Variants in INHBA observed in about 807,000 individuals in gnomAD.
INHBA encodes inhibin subunit beta A.
INHBA carries 1 observed loss-of-function variant against 29.0 expected under a neutral mutation model. That is an observed-to-expected ratio of 0.03 (90% CI 0.01 to 0.16). The LOEUF (loss-of-function observed/expected upper bound fraction) is 0.16. INHBA is among the 10% of genes least tolerant of loss of function. INHBA has a pLI of 1.00. For synonymous variants in INHBA, 242 were observed against 216.8 expected (o/e 1.12, Z -1.02); for missense variants, 376 against 545.4 (o/e 0.69, Z 3.09).
chr7:41,702,662 T>A (rs1486821187), intron 1 of INHBA, among the ~76,000 whole-genome samples: 1 of 152,022 alleles, frequency 6.6e-6, no homozygotes, highest in Non-Finnish European at 1.5e-5. Flanking sequence ...AACTCAGGAG[T>A]CCTAATAGCA....
In INHBA at chr7:41,700,492, T is replaced by C; in HGVS notation, c.-118A>G. On this transcript the variant is annotated 5_prime_UTR_variant, in exon 2 of 3. Coordinates refer to ENST00000242208, the MANE Select transcript of INHBA (RefSeq NM_002192.4). ...TTATTTTTTTTTTTGGTGTTTTTTTTTTCCTTCTCCTCTTCAGCAAATTCT... is the reference window on the plus strand; with the variant it reads ...TTATTTTTTTTTTTGGTGTTTTTTTCTTCCTTCTCCTCTTCAGCAAATTCT... 1 of 1,057,288 alleles carries C rather than the reference T, an allele frequency of 9.5e-7. No individual in the cohort carries two copies. The allele number at this position is 1,057,288 out of a possible 1,614,324, so 65.5% of individuals were successfully genotyped here.
At chr7:41,701,876 T>C (rs1264649526) in intron 1 of INHBA, among the ~76,000 whole-genome samples, 2 of 152,148 alleles carry the variant, frequency 1.3e-5, no homozygotes, top group African/African-American at 4.8e-5. Context: ...TCTTTTTCCC[T>C]CAAAGGAACA....
chr7:41,703,492 GTTTC>G (rs1794841768), upstream of INHBA, among the ~76,000 whole-genome samples: 2 of 151,964 alleles, frequency 1.3e-5, no homozygotes, highest in Admixed American at 1.3e-4. Context: ...GTATTTTATT[GTTTC>G]TTTCAGGAAA....
At chr7:41,693,414 G>A (rs575214439) in intron 2 of INHBA, among the ~76,000 whole-genome samples, 62 of 152,272 alleles carry the variant, frequency 4.1e-4, no homozygotes, top group African/African-American at 1.3e-3. Context: ...TGGGGGTGCC[G>A]AGGGAGGGTT....
chr7:41,700,375 C>A lies in INHBA; in HGVS notation c.-1G>T. On this transcript the variant is annotated 5_prime_UTR_variant, in exon 2 of 3. Transcript: ENST00000242208. ...ATCCTCTCAGCCAAAGCAAGGGCAT[C>A]CTGGCAGCAAAAGTTGTTGTGATTG... 1.4e-6 allele frequency: 2 copies of A among 1,455,030 alleles called. No homozygotes were observed. Among genetic ancestry groups the A allele is most frequent in the Non-Finnish European group, 1.8e-6 (2 of 1,102,654 alleles). The allele number at this position is 1,455,030 out of a possible 1,614,324, so 90.1% of individuals were successfully genotyped here.
At chr7:41,704,006 A>G (rs952774629), upstream of INHBA, among the ~76,000 whole-genome samples, 16 of 152,158 alleles carry the variant, frequency 1.1e-4, no homozygotes, top group African/African-American at 3.9e-4. Flanking sequence ...CTCTGACAAG[A>G]ACGGTGAAGG....
chr7:41,703,359 C>T (rs1263742107), upstream of INHBA, among the ~76,000 whole-genome samples: 1 of 152,208 alleles, frequency 6.6e-6, no homozygotes, highest in African/African-American at 2.4e-5. Flanking sequence ...ATAGATATGT[C>T]TCAATGAGTG....
intron 2 of INHBA, among the ~76,000 whole-genome samples, chr7:41,698,124 C>T (rs978419639): frequency 2.6e-5 from 4 of 151,962 alleles, no homozygotes; most frequent in African/African-American, 9.7e-5. Flanking sequence ...AGATCTCATA[C>T]AACTGAGAGA....
intron 1 of INHBA, among the ~76,000 whole-genome samples, chr7:41,701,528 G>A (rs1794795394): frequency 6.6e-6 from 1 of 152,176 alleles, no homozygotes; most frequent in South Asian, 2.1e-4. Flanking sequence ...GGGCACTGAA[G>A]GACCAGAGGG....
chr7:41,691,789 G>A (rs1364806220), intron 2 of INHBA: 1 of 152,224 alleles, frequency 6.6e-6, no homozygotes, highest in Non-Finnish European at 1.5e-5. Context: ...GTGTTTAGCA[G>A]AAAGTAGCCA....
chr7:41,690,337 C>T lies in INHBA; in HGVS notation c.594G>A (p.Lys198=), dbSNP rs370027643. Residue 198 remains lysine (K), a synonymous_variant, in exon 3 of 3, where the codon AAG becomes AAA. Transcript: ENST00000242208. ...AGAGCAACAGTTCACTCCTCTCCCC[C>T]TTTAAGCCCACTTCCTCGGCCTCTT... ...TGEEAEEVGL[K]GERSELLLSE... 2.5e-6 allele frequency: 4 copies of T among 1,613,990 alleles called. No homozygotes were observed. In the African/African-American group the frequency reaches 4.0e-5, roughly 16 times the overall value.
At position 41,689,445 on chromosome 7, in the gene INHBA, C is replaced by T; in HGVS notation, c.*205G>A. On this transcript the variant is annotated 3_prime_UTR_variant, in exon 3 of 3. Transcript: ENST00000242208. ...CTCTTTCACTGCTTCATCTCTGAGC[C>T]CTGGCTAAGGATTTTTTCCACATCT... 1 of 510,730 alleles carries T rather than the reference C, an allele frequency of 2.0e-6. No homozygotes were observed. The allele number at this position is 510,730 out of a possible 1,614,324, so 31.6% of individuals were successfully genotyped here.
chr7:41,704,627 TG>T (rs1281922691), upstream of INHBA, among the ~76,000 whole-genome samples: 18 of 139,894 alleles, frequency 1.3e-4, no homozygotes, highest in Non-Finnish European at 2.6e-4. Context: ...TGTGTGTGTG[TG>T]TGTGTGTGTG....
In INHBA at chr7:41,690,526, C is replaced by T. The variant is rs771398408; in HGVS notation, c.405G>A (p.Thr135=). 1.6e-5 allele frequency: 26 copies of T among 1,603,418 alleles called. No individual in the cohort carries two copies. The highest frequency in any genetic ancestry group is 2.7e-5 in the African/African-American group (2 of 74,632). The change falls in exon 3 of 3, where the codon ACG becomes ACA. Residue 135 remains threonine (T), a synonymous_variant. Coordinates refer to ENST00000242208, the MANE Select transcript of INHBA (RefSeq NM_002192.4). ...TFAESGTARK[T]LHFEISKEGS... ...CTTCCTTGGAAATCTCGAAGTGCAG[C>T]GTCTTCCTGGCTGTTCCTGAAGATG...
intron 2 of INHBA, among the ~76,000 whole-genome samples, chr7:41,694,486 C>T (rs1794596092): frequency 6.6e-6 from 1 of 152,154 alleles, no homozygotes; most frequent in East Asian, 1.9e-4. Flanking sequence ...ATGCTGTAAA[C>T]TCTTGAAATG....
upstream of INHBA, among the ~76,000 whole-genome samples, chr7:41,703,778 C>CAG (rs1794849431): frequency 6.6e-6 from 1 of 151,058 alleles, no homozygotes; most frequent in South Asian, 2.1e-4. Context: ...CACACACACA[C>CAG]ACACACACAC....
rs115950391 is a variant in INHBA, at chr7:41,699,636, C to G, written c.388+351G>C. On this transcript the variant is annotated intron_variant, in intron 2 of 2. Coordinates refer to ENST00000242208, the MANE Select transcript of INHBA (RefSeq NM_002192.4). The stretch of plus-strand genomic sequence containing the variant: ...CACCCGAAAATGCCGCGGCTTTCCT[C>G]CGGCTGCTCAGATCTGGTTTCACAG... 1.5e-3 allele frequency among the ~76,000 whole-genome samples: 235 copies of G among 152,264 alleles called. 1 individual carries two copies. The highest frequency in any genetic ancestry group is 5.0e-3 in the African/African-American group (209 of 41,562).
At chr7:41,701,885 C>G (rs1320312359) in intron 1 of INHBA, among the ~76,000 whole-genome samples, 2 of 152,150 alleles carry the variant, frequency 1.3e-5, no homozygotes, top group Non-Finnish European at 2.9e-5. Context: ...CTCAAAGGAA[C>G]AGTGCAGATG....
chr7:41,685,632 G>C lies in INHBA; in HGVS notation c.*4018C>G, dbSNP rs1281691022. The stretch of plus-strand genomic sequence containing the variant: ...AATATCAACCCATTGTCAATGCACT[G>C]TTTTTCAAAGCATTTAAATAGAGGG... On this transcript the variant is annotated 3_prime_UTR_variant, in exon 3 of 3. Transcript: ENST00000242208. 1 of 152,016 alleles carries C rather than the reference G, an allele frequency of 6.6e-6. No homozygotes were observed. Among genetic ancestry groups the C allele is most frequent in the African/African-American group, 2.4e-5 (1 of 41,428 alleles). 9.4% of individuals were successfully genotyped at this position (152,016 alleles called of 1,614,324 possible). A position where few individuals can be genotyped will look rare whatever the true frequency, so the allele number is the denominator to read the frequency against.
Sources: allele counts gnomAD v4.1 joint callset (sites outside exome capture counted in the v4.1 genomes callset), GRCh38; gene constraint gnomAD v4.1.1; transcripts MANE v1.5; gene names NCBI Gene and HGNC (gene_info 2026-07-23, HGNC 2026-07-21).